Variants in PLA2G4A observed in about 807,000 individuals in gnomAD.
PLA2G4A encodes the protein phospholipase A2 group IVA, also known as cytosolic phospholipase A2.
A neutral mutation model predicts 81.9 loss-of-function variants in PLA2G4A; 40 were observed. That is an observed-to-expected ratio of 0.49 (90% CI 0.38 to 0.64). PLA2G4A has a LOEUF of 0.64. Ranked by LOEUF, PLA2G4A falls within the 30% of genes least tolerant of loss-of-function variation. The pLI, the probability that PLA2G4A is intolerant of heterozygous loss-of-function variation, is 0.00. For synonymous variants in PLA2G4A, 302 were observed against 296.9 expected (o/e 1.02, Z -0.18); for missense variants, 715 against 905.1 (o/e 0.79, Z 2.69).
chr1:186,887,074 A>G (rs1020416288), intron 3 of PLA2G4A, among the ~76,000 whole-genome samples: 1 of 152,170 alleles, frequency 6.6e-6, no homozygotes, highest in Admixed American at 6.6e-5. Flanking sequence ...TGGTATTTCA[A>G]TGGACTACAT....
chr1:186,838,446 T>C (rs1651866473), intron 1 of PLA2G4A, among the ~76,000 whole-genome samples: 1 of 152,166 alleles, frequency 6.6e-6, no homozygotes, highest in Non-Finnish European at 1.5e-5. Context: ...AGTTCCTTTA[T>C]CTAAGGTAAT....
At chr1:186,899,111 C>G (rs1056613811) in intron 5 of PLA2G4A, among the ~76,000 whole-genome samples, 1 of 152,126 alleles carries the variant, frequency 6.6e-6, no homozygotes, top group African/African-American at 2.4e-5. Flanking sequence ...CAAGTGCTAA[C>G]TAAACTAGGG....
At chr1:186,942,410 T>A (rs79478760) in intron 10 of PLA2G4A, among the ~76,000 whole-genome samples, 226 of 152,316 alleles carry the variant, frequency 1.5e-3, no homozygotes, top group African/African-American at 5.0e-3. Context: ...AAGCCTTGTC[T>A]TACAATACTT....
intron 15 of PLA2G4A, among the ~76,000 whole-genome samples, chr1:186,973,201 C>G (rs1426979550): frequency 6.6e-6 from 1 of 152,214 alleles, no homozygotes; most frequent in Non-Finnish European, 1.5e-5. Context: ...ATTAAGGCAT[C>G]AACAGGGATG....
At chr1:186,921,393 C>T (rs1484569561) in intron 7 of PLA2G4A, among the ~76,000 whole-genome samples, 1 of 152,140 alleles carries the variant, frequency 6.6e-6, no homozygotes, top group Non-Finnish European at 1.5e-5. Context: ...AAGCTTGAGG[C>T]TTTTCAGTGT....
chr1:186,921,701 C>T (rs1303008766), intron 7 of PLA2G4A, among the ~76,000 whole-genome samples: 3 of 151,976 alleles, frequency 2.0e-5, no homozygotes, highest in Non-Finnish European at 4.4e-5. Flanking sequence ...GGAGGGGGTA[C>T]TGCTGATACC....
chr1:186,874,678 C>T (rs1322688948), intron 3 of PLA2G4A, among the ~76,000 whole-genome samples: 1 of 151,974 alleles, frequency 6.6e-6, no homozygotes, highest in African/African-American at 2.4e-5. Context: ...GCAGGTGGAT[C>T]TAACTTTACT....
At chr1:186,942,982 T>C (rs982046891) in intron 10 of PLA2G4A, among the ~76,000 whole-genome samples, 3 of 152,156 alleles carry the variant, frequency 2.0e-5, no homozygotes, top group African/African-American at 7.2e-5. Flanking sequence ...ATGTCTTGAG[T>C]GTTCAAGTAG....
intron 3 of PLA2G4A, among the ~76,000 whole-genome samples, chr1:186,887,533 T>G (rs111599355): frequency 2.6e-5 from 4 of 152,234 alleles, no homozygotes; most frequent in African/African-American, 7.2e-5. Flanking sequence ...ATTTTTTGTT[T>G]GTCAAGATTT....
At chr1:186,852,211 G>T (rs751288282) in intron 1 of PLA2G4A, among the ~76,000 whole-genome samples, 10 of 151,924 alleles carry the variant, frequency 6.6e-5, no homozygotes, top group Non-Finnish European at 1.0e-4. Context: ...TAATGAAGAA[G>T]GGAGAAGAGA....
intron 1 of PLA2G4A, among the ~76,000 whole-genome samples, chr1:186,835,080 G>T (rs1330107618): frequency 6.6e-6 from 1 of 152,080 alleles, no homozygotes; most frequent in East Asian, 1.9e-4. Flanking sequence ...AGGTTTTACT[G>T]CTGGATACAA....
At chr1:186,909,110 A>T (rs1191069727) in intron 6 of PLA2G4A, among the ~76,000 whole-genome samples, 1 of 149,162 alleles carries the variant, frequency 6.7e-6, no homozygotes, top group African/African-American at 2.5e-5. Context: ...AGTAGCTGGG[A>T]CTACAGGCGC....
At chr1:186,859,050 G>T (rs1164681526) in intron 2 of PLA2G4A, among the ~76,000 whole-genome samples, 1 of 152,152 alleles carries the variant, frequency 6.6e-6, no homozygotes, top group East Asian at 1.9e-4. Context: ...GAAAGGGAAA[G>T]TTGAGTGAAT....
chr1:186,928,333 A>G (rs1028024995), intron 7 of PLA2G4A, among the ~76,000 whole-genome samples: 6 of 152,166 alleles, frequency 3.9e-5, no homozygotes, highest in African/African-American at 1.4e-4. Context: ...ACCAAGTGCT[A>G]TATTGGCTGC....
At chr1:186,916,259 G>A (rs760962139) in intron 7 of PLA2G4A, among the ~76,000 whole-genome samples, 4 of 152,084 alleles carry the variant, frequency 2.6e-5, no homozygotes, top group Non-Finnish European at 4.4e-5. Flanking sequence ...TTTTTCCAGT[G>A]AGGATTAAGG....
intron 15 of PLA2G4A, among the ~76,000 whole-genome samples, chr1:186,976,525 G>A (rs1055506438): frequency 6.6e-6 from 1 of 152,110 alleles, no homozygotes; most frequent in African/African-American, 2.4e-5. Context: ...TATGAGATAG[G>A]TATTATTTAT....
intron 10 of PLA2G4A, among the ~76,000 whole-genome samples, chr1:186,943,087 A>G (rs1321654833): frequency 6.6e-6 from 1 of 152,210 alleles, no homozygotes; most frequent in Non-Finnish European, 1.5e-5. Flanking sequence ...TGTAGAAGAA[A>G]AAGTTGAGAT....
chr1:186,913,125 T>C (rs1176641139), intron 7 of PLA2G4A, among the ~76,000 whole-genome samples: 1 of 151,428 alleles, frequency 6.6e-6, no homozygotes, highest in Non-Finnish European at 1.5e-5. Flanking sequence ...ATATTTAAAA[T>C]TGACCAAATT....
intron 13 of PLA2G4A, among the ~76,000 whole-genome samples, chr1:186,954,285 T>C (rs1342543322): frequency 1.3e-5 from 2 of 152,194 alleles, no homozygotes; most frequent in Non-Finnish European, 2.9e-5. Flanking sequence ...TTCATGTCCT[T>C]TGCAGGAACA....
Sources: allele counts gnomAD v4.1 joint callset (sites outside exome capture counted in the v4.1 genomes callset), GRCh38; gene constraint gnomAD v4.1.1; transcripts MANE v1.5; gene names NCBI Gene and HGNC (gene_info 2026-07-23, HGNC 2026-07-21).